Variants in GRM1 observed in about 807,000 individuals in gnomAD.
GRM1 encodes metabotropic glutamate receptor 1.
In GRM1, 33 loss-of-function variants were observed where a neutral mutation model predicts 90.9. That is an observed-to-expected ratio of 0.36 (90% CI 0.28 to 0.49). The LOEUF (loss-of-function observed/expected upper bound fraction) is 0.49. GRM1 is among the 20% of genes least tolerant of loss of function. The probability of loss-of-function intolerance (pLI) is 0.99; values close to 1 mark genes in which losing one functional copy is unlikely to be tolerated. For missense variants in GRM1, 1,190 were observed against 1,534.3 expected (o/e 0.78, Z 3.75); for synonymous variants, 700 against 613.2 (o/e 1.14, Z -2.09).
In GRM1 at chr6:146,357,602, G is replaced by T. The variant is rs750821948; in HGVS notation, c.1510G>T (p.Val504Leu). The T allele has an allele frequency of 1.9e-6, 3 of 1,613,594 alleles. No homozygotes were observed. The highest frequency in any genetic ancestry group is 2.5e-6 in the Non-Finnish European group (3 of 1,179,608). ...YVHVGTWHEGVLNIDDYKIQM... is the reference protein window; with the variant it reads ...YVHVGTWHEGLLNIDDYKIQM... The stretch of plus-strand genomic sequence containing the variant: ...GCACGTTGGAACCTGGCATGAAGGA[G>T]TGCTGAACATTGATGATTACAAAAT... The change falls in exon 5 of 8, where the codon GTG becomes TTG. Residue 504 changes from valine (V) to leucine (L), a missense_variant. This residue lies in a region of GRM1 where 414 missense variants were observed against 598.4 expected (regional missense o/e 0.69). Coordinates refer to ENST00000282753, the MANE Select transcript of GRM1 (RefSeq NM_001278064.2).
chr6:146,056,716 C>G (rs917409789), intron 1 of GRM1, among the ~76,000 whole-genome samples: 1 of 152,150 alleles, frequency 6.6e-6, no homozygotes. Context: ...AGTAACTGAT[C>G]TTCAGTCATT....
At chr6:146,366,648 T>C (rs1775700521) in intron 5 of GRM1, among the ~76,000 whole-genome samples, 1 of 152,178 alleles carries the variant, frequency 6.6e-6, no homozygotes, top group African/African-American at 2.4e-5. Flanking sequence ...GGCTCATTCA[T>C]GTTTCTGCAA....
In GRM1 at chr6:146,054,213, A is replaced by G. The variant is rs562211766; in HGVS notation, c.700+23996A>G. Among the ~76,000 whole-genome samples, 11 of 152,040 alleles carry G rather than the reference A, an allele frequency of 7.2e-5. 1 individual carries two copies. The East Asian group carries it at 1.6e-3, about 22-fold the overall frequency. On this transcript the variant is annotated intron_variant, in intron 1 of 7. Coordinates refer to ENST00000282753, the MANE Select transcript of GRM1 (RefSeq NM_001278064.2). ...GCACAGGGATGTTTGATTTGTTCTG[A>G]TTTACTCTCACATGAAAGTATCAGC... is the stretch of plus-strand genomic sequence containing the variant.
intron 2 of GRM1, among the ~76,000 whole-genome samples, chr6:146,294,691 G>A (rs1450480867): frequency 6.6e-6 from 1 of 152,086 alleles, no homozygotes; most frequent in African/African-American, 2.4e-5. Context: ...ACATAGAGGC[G>A]AGAGATTTCT....
At chr6:146,371,715 T>G (rs561514410) in intron 5 of GRM1, among the ~76,000 whole-genome samples, 2 of 152,230 alleles carry the variant, frequency 1.3e-5, no homozygotes, top group East Asian at 3.9e-4. Context: ...GAATATGTGA[T>G]GCTTGTGTTT....
intron 2 of GRM1, among the ~76,000 whole-genome samples, chr6:146,161,145 G>A (rs1326416839): frequency 6.6e-6 from 1 of 152,054 alleles, no homozygotes; most frequent in African/African-American, 2.4e-5. Context: ...TTTTAGGAAG[G>A]TTGCTTGTTT....
At chr6:146,271,133 T>C (rs763025117) in intron 2 of GRM1, among the ~76,000 whole-genome samples, 1 of 151,764 alleles carries the variant, frequency 6.6e-6, no homozygotes, top group Non-Finnish European at 1.5e-5. Flanking sequence ...ACCTGCTGAG[T>C]AGCTGTGATT....
intron 1 of GRM1, among the ~76,000 whole-genome samples, chr6:146,131,482 T>C (rs1051965028): frequency 6.6e-6 from 1 of 150,458 alleles, no homozygotes; most frequent in African/African-American, 2.4e-5. Context: ...GTTTTAATAT[T>C]ATATATGATA....
In GRM1 at chr6:146,234,859, C is replaced by T. The variant is rs186088030; in HGVS notation, c.951-69752C>T. Among the ~76,000 whole-genome samples, 109 of 152,234 alleles carry T rather than the reference C, an allele frequency of 7.2e-4. 1 individual carries two copies. Among genetic ancestry groups the T allele is most frequent in the African/African-American group, 2.5e-3 (105 of 41,556 alleles). ...CCAGGCTCAAGCAATTCTCATGCCT[C>T]AGCCTCCCAAGCAGCTGAGACTACA... On this transcript the variant is annotated intron_variant, in intron 2 of 7. Transcript: ENST00000282753.
intron 7 of GRM1, among the ~76,000 whole-genome samples, chr6:146,428,908 T>C (rs1460133613): frequency 6.6e-6 from 1 of 152,164 alleles, no homozygotes; most frequent in East Asian, 1.9e-4. Context: ...CCAGACAAAC[T>C]TTATGGTGCC....
At chr6:146,096,080 C>T (rs1243765348) in intron 1 of GRM1, among the ~76,000 whole-genome samples, 1 of 152,166 alleles carries the variant, frequency 6.6e-6, no homozygotes, top group African/African-American at 2.4e-5. Context: ...TAATCAGTCT[C>T]AAGCCTAGAA....
chr6:146,359,513 G>A (rs867773513), intron 5 of GRM1, among the ~76,000 whole-genome samples: 1 of 152,178 alleles, frequency 6.6e-6, no homozygotes, highest in Non-Finnish European at 1.5e-5. Context: ...GTTCAGTTTT[G>A]CAGGTTATAT....
chr6:146,081,214 AT>A, intron 1 of GRM1, among the ~76,000 whole-genome samples: 1 of 152,326 alleles, frequency 6.6e-6, no homozygotes. Flanking sequence ...CTGTGATAAA[AT>A]GTTAACATTT....
chr6:146,404,208 TG>T (rs3216611), intron 7 of GRM1, among the ~76,000 whole-genome samples: 7,080 of 152,188 alleles, frequency 0.047, 274 homozygotes, highest in East Asian at 0.2. Flanking sequence ...ATTTTACTAC[TG>T]GATAGTAATA....
chr6:146,219,235 C>CA (rs1181442032), intron 2 of GRM1, among the ~76,000 whole-genome samples: 1 of 151,984 alleles, frequency 6.6e-6, no homozygotes, highest in Non-Finnish European at 1.5e-5. Context: ...AGTTTCTGCC[C>CA]ATGGGAATAT....
intron 1 of GRM1, among the ~76,000 whole-genome samples, chr6:146,121,152 TG>T (rs1180218450): frequency 6.6e-6 from 1 of 152,216 alleles, no homozygotes; most frequent in Non-Finnish European, 1.5e-5. Context: ...AACTTCTTCC[TG>T]GGTTAGTCTT....
At chr6:146,094,623 T>C (rs1208538838) in intron 1 of GRM1, among the ~76,000 whole-genome samples, 1 of 152,138 alleles carries the variant, frequency 6.6e-6, no homozygotes, top group Non-Finnish European at 1.5e-5. Context: ...AATGGTATGA[T>C]GACAAATACT....
chr6:146,216,347 A>T (rs1779870250), intron 2 of GRM1, among the ~76,000 whole-genome samples: 1 of 152,196 alleles, frequency 6.6e-6, no homozygotes, highest in South Asian at 2.1e-4. Flanking sequence ...AGTTTAAATA[A>T]GCTTATATCC....
intron 7 of GRM1, among the ~76,000 whole-genome samples, chr6:146,419,153 C>T (rs2206957): frequency 0.013 from 1,979 of 152,122 alleles, 43 homozygotes; most frequent in African/African-American, 0.045. Flanking sequence ...CAAGATTCCA[C>T]GAAGGCTAAG....
Sources: gnomAD v4.1 joint callset for allele counts (sites outside exome capture counted in the v4.1 genomes callset) on GRCh38, gnomAD v4.1.1 for gene constraint, gnomAD v4.1.1 regional missense constraint, MANE v1.5 for transcripts, NCBI Gene and HGNC (gene_info 2026-07-23, HGNC 2026-07-21) for gene names.